Variants in PSMD2 observed in about 807,000 individuals in gnomAD.
PSMD2 encodes 26S proteasome non-ATPase regulatory subunit 2.
Under a neutral mutation model 101.5 loss-of-function variants are expected in PSMD2, and 8 were observed. That is an observed-to-expected ratio of 0.08 (90% CI 0.05 to 0.14). The LOEUF is 0.14. PSMD2 is among the 10% of genes least tolerant of loss of function. The pLI, the probability that PSMD2 is intolerant of heterozygous loss-of-function variation, is 1.00. For missense variants in PSMD2, 784 were observed against 1,147.4 expected, an observed-to-expected ratio of 0.68 and a Z score of 4.58; for synonymous variants, 418 against 433.8, an observed-to-expected ratio of 0.96 and a Z score of 0.45.
chr3:184,308,414 GTC>G lies in PSMD2; in HGVS notation c.2426-31_2426-30del. 6.5e-7 allele frequency: 1 copy of G among 1,534,746 alleles called. No individual in the cohort carries two copies. Among genetic ancestry groups the G allele is most frequent in the East Asian group, 2.3e-5 (1 of 44,384 alleles). Reference sequence around the variant, plus strand: ...TGTTTCTGGCCAGGCCTGTCTTTTTGTCTCTTAACTTTTTGTCCTGTCTGCTT... The same window carrying G: ...TGTTTCTGGCCAGGCCTGTCTTTTTGTCTTAACTTTTTGTCCTGTCTGCTT... On this transcript the variant is annotated intron_variant, in intron 19 of 20. Transcript: ENST00000310118. This position sits in a 1 kb window ranked among gnomAD's most constrained non-coding sequence, Gnocchi z 6.0.
rs995135642 is a variant in PSMD2, at chr3:184,299,279, G to A, written c.13G>A (p.Gly5Ser). MEEGGRDKAPVQPQQ... is the reference protein window; with the variant it reads MEEGSRDKAPVQPQQ... ...AGTGGCGGCGGAGATGGAGGAGGGAGGCCGGGACAAGGCGCCGGTGCAGCC... is the reference window on the plus strand; with the variant it reads ...AGTGGCGGCGGAGATGGAGGAGGGAAGCCGGGACAAGGCGCCGGTGCAGCC... The change falls in exon 1 of 21, where the codon GGC becomes AGC. Residue 5 changes from glycine to serine, a missense_variant. This residue lies in a region of PSMD2 where 196 missense variants were observed against 182.4 expected (regional missense o/e 1.07). Transcript: ENST00000310118. 8 of 1,359,632 alleles carry A rather than the reference G, an allele frequency of 5.9e-6. No homozygotes were observed. Among genetic ancestry groups the A allele is most frequent in the Non-Finnish European group, 7.6e-6 (8 of 1,056,924 alleles). 84.2% of individuals were successfully genotyped at this position (1,359,632 alleles called of 1,614,324 possible).
chr3:184,307,348 G>A lies in PSMD2; in HGVS notation c.2035-9G>A. The A allele has an allele frequency of 6.2e-7, 1 of 1,613,706 alleles. No individual in the cohort carries two copies. The highest frequency in any genetic ancestry group is 8.5e-7 in the Non-Finnish European group (1 of 1,179,742). ...TCCGCCTTACTGTTGTATTTTCTTG[G>A]ATCATCAGCTGAGATATGGGGAGCC... is the stretch of plus-strand genomic sequence containing the variant. On this transcript the variant is annotated splice_polypyrimidine_tract_variant and intron_variant, in intron 16 of 20. Transcript: ENST00000310118.
At chr3:184,300,508 G>A (rs932264452) in intron 3 of PSMD2, 64 bp downstream of exon 3, 8 of 1,560,370 alleles carry the variant, frequency 5.1e-6, no homozygotes, top group Non-Finnish European at 2.6e-6. Flanking sequence ...AGATCATGGG[G>A]GGACTCATTG....
chr3:184,302,191 C>T, intron 5 of PSMD2, 120 bp downstream of exon 5: 2 of 1,250,442 alleles, frequency 1.6e-6, no homozygotes, highest in South Asian at 1.4e-5. Context: ...TGTAGTTAAT[C>T]TTTTGATGTG....
intron 3 of PSMD2, chr3:184,300,654 T>C: frequency 7.4e-7 from 1 of 1,348,500 alleles, no homozygotes; most frequent in Non-Finnish European, 9.5e-7. Flanking sequence ...GTATTGGACT[T>C]TGGGGTTTCA....
intron 12 of PSMD2, 43 bp from the exon 13 acceptor site, chr3:184,305,725 T>A: frequency 1.3e-6 from 2 of 1,563,484 alleles, no homozygotes; most frequent in Non-Finnish European, 1.7e-6. Flanking sequence ...ACATAAATAT[T>A]TTAATAACTT....
rs1370026543 is a variant in PSMD2 at position 184,304,903 on chromosome 3, A to T, written c.1539+512A>T. Reference sequence around the variant, plus strand: ...AGACCCTGTCTTTAAAAGAAAAAAAAAATTAACATTTTAGTGTTGAGTTCT... The same window carrying T: ...AGACCCTGTCTTTAAAAGAAAAAAATAATTAACATTTTAGTGTTGAGTTCT... On this transcript the variant is annotated intron_variant, in intron 12 of 20. Transcript: ENST00000310118. This position sits in a 1 kb window ranked among gnomAD's most constrained non-coding sequence, Gnocchi z 4.1. 1.3e-5 allele frequency among the ~76,000 whole-genome samples: 2 copies of T among 152,064 alleles called. No individual in the cohort carries two copies. Among genetic ancestry groups the T allele is most frequent in the Non-Finnish European group, 2.9e-5 (2 of 68,004 alleles).
chr3:184,308,876 A>G lies in PSMD2; in HGVS notation c.2713A>G (p.Asn905Asp), dbSNP rs112411823. ...TTTTGTTATCCTTCGGAAGAACCCC[A>G]ATTATGATCTCTAAGTGACCACCAG... ...EGFVILRKNPNYDL is the reference protein window; with the variant it reads ...EGFVILRKNPDYDL The change falls in exon 21 of 21, where the codon AAT becomes GAT. Residue 905 changes from asparagine to aspartate, a missense_variant. Transcript: ENST00000310118. This position sits in a 1 kb window ranked among gnomAD's most constrained non-coding sequence, Gnocchi z 6.0. The G allele has an allele frequency of 1.2e-6, 2 of 1,612,104 alleles. No individual in the cohort carries two copies. The highest frequency in any genetic ancestry group is 1.7e-6 in the Non-Finnish European group (2 of 1,179,940).
At chr3:184,305,676 C>T in intron 12 of PSMD2, 92 bp from the exon 13 acceptor site, 1 of 1,144,788 alleles carries the variant, frequency 8.7e-7, no homozygotes, top group Non-Finnish European at 1.3e-6. Flanking sequence ...GGGAGAATAT[C>T]TTGCAGTGGA....
chr3:184,301,787 C>A (rs1472650049), intron 4 of PSMD2, 60 bp from the exon 5 acceptor site: 1 of 1,610,250 alleles, frequency 6.2e-7, no homozygotes, highest in Admixed American at 1.7e-5. Context: ...GATTCCTTGA[C>A]CCACAGAGAA....
chr3:184,305,050 C>T (rs1392688477), intron 12 of PSMD2, among the ~76,000 whole-genome samples: 1 of 152,174 alleles, frequency 6.6e-6, no homozygotes, highest in African/African-American at 2.4e-5. Context: ...CATACTTGTG[C>T]AGAGTCATTA....
rs1335509695 is a variant in PSMD2, at chr3:184,304,676, A to T, written c.1539+285A>T. Among the ~76,000 whole-genome samples, 3 of 152,108 alleles carry T rather than the reference A, an allele frequency of 2.0e-5. No homozygotes were observed. Among genetic ancestry groups the T allele is most frequent in the African/African-American group, 4.8e-5 (2 of 41,402 alleles). On this transcript the variant is annotated intron_variant, in intron 12 of 20. Coordinates refer to ENST00000310118, the MANE Select transcript of PSMD2 (RefSeq NM_002808.5). This position sits in a 1 kb window ranked among gnomAD's most constrained non-coding sequence, Gnocchi z 4.1. ...TGCAGTGGGCGGATCACTTGAGCCCAGGAGTTCGAGACCAACCTGGGCAAG... is the reference window on the plus strand; with the variant it reads ...TGCAGTGGGCGGATCACTTGAGCCCTGGAGTTCGAGACCAACCTGGGCAAG...
chr3:184,304,482 GTGCATGTGTGCATACATGTACA>G lies in PSMD2; in HGVS notation c.1539+95_1539+116del. On this transcript the variant is annotated intron_variant, in intron 12 of 20. Transcript: ENST00000310118. The surrounding 1 kb of genome is among the most constrained non-coding windows in gnomAD (Gnocchi z 4.1). Reference sequence around the variant, plus strand: ...TAAATAATGAAAAAGAAGTAAGTGTGTGCATGTGTGCATACATGTACATGCCTGTTGGTGTGTATTGAGGGGC... The same window carrying G: ...TAAATAATGAAAAAGAAGTAAGTGTGTGCCTGTTGGTGTGTATTGAGGGGC... The G allele has an allele frequency of 8.1e-7, 1 of 1,240,746 alleles. No homozygotes were observed. The highest frequency in any genetic ancestry group is 1.8e-5 in the African/African-American group (1 of 55,518). The allele number at this position is 1,240,746 out of a possible 1,614,324, so 76.9% of individuals were successfully genotyped here.
intron 1 of PSMD2, 169 bp downstream of exon 1, chr3:184,299,570 C>A: frequency 9.9e-7 from 1 of 1,008,674 alleles, no homozygotes; most frequent in Non-Finnish European, 1.4e-6. Context: ...TTCTCCGTTC[C>A]GCGCTGTCAC....
In PSMD2 at chr3:184,300,670, A is replaced by G. The variant is rs965127205; in HGVS notation, c.357+226A>G. On this transcript the variant is annotated intron_variant, in intron 3 of 20. Coordinates refer to ENST00000310118, the MANE Select transcript of PSMD2 (RefSeq NM_002808.5). ...TATTGGACTTTGGGGTTTCATTAGCATGGTCTACTTTTAACGTATGTTTAA... is the reference window on the plus strand; with the variant it reads ...TATTGGACTTTGGGGTTTCATTAGCGTGGTCTACTTTTAACGTATGTTTAA... 3.8e-6 allele frequency: 5 copies of G among 1,306,406 alleles called. No individual in the cohort carries two copies. In the African/African-American group the frequency reaches 4.5e-5, roughly 12 times the overall value. 80.9% of individuals were successfully genotyped at this position (1,306,406 alleles called of 1,614,324 possible).
intron 5 of PSMD2, 33 bp downstream of exon 5, chr3:184,302,104 A>G (rs1268393600): frequency 2.5e-6 from 4 of 1,595,152 alleles, no homozygotes; most frequent in Non-Finnish European, 3.4e-6. Flanking sequence ...GGTGGCAGGC[A>G]TGCCCTCCTC....
chr3:184,301,993 T>C lies in PSMD2; in HGVS notation c.626T>C (p.Met209Thr). 1.2e-6 allele frequency: 2 copies of C among 1,614,228 alleles called. No individual in the cohort carries two copies. Among genetic ancestry groups the C allele is most frequent in the Non-Finnish European group, 1.7e-6 (2 of 1,180,042 alleles). The stretch of plus-strand genomic sequence containing the variant: ...GAGCATGAGGCTTGCGACCTGCTTA[T>C]GGAAATTGAGCAGGTGGACATGCTG... The part of the protein sequence containing the change: ...NAEHEACDLL[M>T]EIEQVDMLEK... The change falls in exon 5 of 21, where the codon ATG (methionine) becomes ACG (threonine). Residue 209 changes from methionine to threonine, a missense_variant. Transcript: ENST00000310118.
At chr3:184,301,477 T>A in intron 3 of PSMD2, 60 bp from the exon 4 acceptor site, 1 of 1,595,064 alleles carries the variant, frequency 6.3e-7, no homozygotes. Context: ...GATTCCACAA[T>A]GCATGCTCCC....
chr3:184,299,920 G>C lies in PSMD2; in HGVS notation c.192+13G>C. ...GGAACGACTAGGGGTGAGTCACGAT[G>C]TTAACATGATTCGGTGCATGTTTGG... On this transcript the variant is annotated intron_variant, in intron 2 of 20. Transcript: ENST00000310118. 1 of 1,611,054 alleles carries C rather than the reference G, an allele frequency of 6.2e-7. No individual in the cohort carries two copies. The highest frequency in any genetic ancestry group is 2.2e-5 in the East Asian group (1 of 44,844).
Sources: allele counts gnomAD v4.1 joint callset (sites outside exome capture counted in the v4.1 genomes callset), GRCh38; gene constraint gnomAD v4.1.1; regional missense constraint gnomAD v4.1.1; non-coding constraint Gnocchi (gnomAD v3.1); transcripts MANE v1.5; gene names NCBI Gene and HGNC (gene_info 2026-07-23, HGNC 2026-07-21).